Variants in FAM76B observed in about 807,000 individuals in gnomAD.
FAM76B encodes the protein protein FAM76B.
FAM76B carries 16 observed loss-of-function variants against 51.8 expected under a neutral mutation model. That is an observed-to-expected ratio of 0.31 (90% confidence interval 0.21 to 0.47). FAM76B has a LOEUF of 0.47. Ranked by LOEUF, FAM76B falls within the 20% of genes least tolerant of loss-of-function variation. FAM76B has a pLI of 1.00. For missense variants in FAM76B, 342 were observed against 392.6 expected (o/e 0.87, Z 1.09); for synonymous variants, 166 against 129.5 (o/e 1.28, Z -1.91).
chr11:95,784,571 TACACACACAC>T (rs919585950), intron 4 of FAM76B, among the ~76,000 whole-genome samples: 5 of 147,986 alleles, frequency 3.4e-5, no homozygotes, highest in Non-Finnish European at 7.4e-5. Flanking sequence ...TGTGTATATA[TACACACACAC>T]ACACACACAC....
intron 8 of FAM76B, 97 bp downstream of exon 8, chr11:95,778,725 A>C: frequency 7.1e-7 from 1 of 1,415,506 alleles, no homozygotes; most frequent in Non-Finnish European, 9.4e-7. Context: ...CACAACAAAC[A>C]TTACCAAATT....
chr11:95,775,140 A>G (rs966019120), intron 9 of FAM76B, among the ~76,000 whole-genome samples: 3 of 151,456 alleles, frequency 2.0e-5, no homozygotes, highest in African/African-American at 7.3e-5. Flanking sequence ...TTTTGTTACT[A>G]AAGACTAATT....
chr11:95,785,125 A>G (rs752159047), intron 4 of FAM76B, among the ~76,000 whole-genome samples: 64 of 152,350 alleles, frequency 4.2e-4, no homozygotes, highest in Non-Finnish European at 6.9e-4. Context: ...CCACATTCAT[A>G]TAACTGTAAC....
rs1011874491 is a variant in FAM76B, at chr11:95,770,310, T to C, written c.*1251A>G. 6.6e-6 allele frequency: 1 copy of C among 151,862 alleles called. No homozygotes were observed. The highest frequency in any genetic ancestry group is 2.4e-5 in the African/African-American group (1 of 41,384). The allele number at this position is 151,862 out of a possible 1,614,324, so 9.4% of individuals were successfully genotyped here. A position where few individuals can be genotyped will look rare whatever the true frequency, so the allele number is the denominator to read the frequency against. On this transcript the variant is annotated 3_prime_UTR_variant, in exon 10 of 10. Transcript: ENST00000358780. The stretch of plus-strand genomic sequence containing the variant: ...AGACTTTAGGACAATTTACTTATAA[T>C]GCCTGAATCTTATAGTAGATTCCAA...
chr11:95,780,270 A>G (rs1246470909), intron 5 of FAM76B, among the ~76,000 whole-genome samples: 1 of 151,936 alleles, frequency 6.6e-6, no homozygotes, highest in Non-Finnish European at 1.5e-5. Context: ...TATTTCAGAC[A>G]CAAAATTTGT....
intron 5 of FAM76B, among the ~76,000 whole-genome samples, chr11:95,782,772 T>G (rs907883046): frequency 6.6e-6 from 1 of 152,204 alleles, no homozygotes; most frequent in Non-Finnish European, 1.5e-5. Flanking sequence ...CTGAGGCTTT[T>G]GATAAGTTAT....
rs1859749069 is a variant in FAM76B, at chr11:95,771,160, A to C, written c.*401T>G. The C allele has an allele frequency of 6.6e-6, 1 of 151,848 alleles. No homozygotes were observed. Among genetic ancestry groups the C allele is most frequent in the Non-Finnish European group, 1.5e-5 (1 of 67,528 alleles). 9.4% of individuals were successfully genotyped at this position (151,848 alleles called of 1,614,324 possible). A position where few individuals can be genotyped will look rare whatever the true frequency, so the allele number is the denominator to read the frequency against. ...GAGTTTAAAAGTTTTTGTATTTCTA[A>C]ATTGAAAACTGTTTGTCTGAAATTA... On this transcript the variant is annotated 3_prime_UTR_variant, in exon 10 of 10. Transcript: ENST00000358780.
chr11:95,776,944 C>T (rs1005620593), intron 8 of FAM76B, among the ~76,000 whole-genome samples: 1 of 150,770 alleles, frequency 6.6e-6, no homozygotes, highest in African/African-American at 2.4e-5. Context: ...AAAAAAAACC[C>T]TTGCTTTTGT....
At chr11:95,779,498 C>A in intron 7 of FAM76B, 109 bp downstream of exon 7, 1 of 976,236 alleles carries the variant, frequency 1.0e-6, no homozygotes. Context: ...TGACTCAAGT[C>A]AATGTAGAAA....
rs1263669741 is a variant in FAM76B at position 95,788,899 on chromosome 11, G to A, written c.88-336C>T. ...GCATCCAGGCTTTAATGGGATGGGA[G>A]GAGCTCCAAATCAGAGCATTCTGTT... On this transcript the variant is annotated intron_variant, in intron 1 of 9. Transcript: ENST00000358780. 2.1e-5 allele frequency: 28 copies of A among 1,359,376 alleles called. 1 individual carries two copies. The highest frequency in any genetic ancestry group is 2.5e-5 in the Non-Finnish European group (26 of 1,035,672). The allele number at this position is 1,359,376 out of a possible 1,614,324, so 84.2% of individuals were successfully genotyped here.
At chr11:95,772,288 ACATCATCATTT>A (rs542146354) in intron 9 of FAM76B, among the ~76,000 whole-genome samples, 122 of 151,282 alleles carry the variant, frequency 8.1e-4, no homozygotes, top group Non-Finnish European at 1.7e-3. Flanking sequence ...GAGCAGTTCC[ACATCATCATTT>A]CCTATCTCAT....
intron 8 of FAM76B, 65 bp from the exon 9 acceptor site, chr11:95,776,088 TAA>T: frequency 1.2e-6 from 1 of 846,688 alleles, no homozygotes; most frequent in South Asian, 2.5e-5. Flanking sequence ...CCATTTTAAA[TAA>T]CTTTCACAAT....
intron 5 of FAM76B, among the ~76,000 whole-genome samples, chr11:95,781,881 T>C (rs1374303182): frequency 6.6e-6 from 1 of 152,078 alleles, no homozygotes; most frequent in African/African-American, 2.4e-5. Flanking sequence ...CATAATCTAA[T>C]AGGTGATTGG....
chr11:95,785,173 T>C (rs1565294887), intron 4 of FAM76B, among the ~76,000 whole-genome samples: 1 of 152,216 alleles, frequency 6.6e-6, no homozygotes, highest in Non-Finnish European at 1.5e-5. Context: ...TTTGTTATTA[T>C]TTTTATTAGT....
intron 9 of FAM76B, among the ~76,000 whole-genome samples, chr11:95,773,823 G>C (rs1473302283): frequency 6.6e-6 from 1 of 151,200 alleles, no homozygotes; most frequent in African/African-American, 2.4e-5. Flanking sequence ...TCAATATTTG[G>C]GGTATTTTGG....
At chr11:95,780,782 T>C (rs575948291) in intron 5 of FAM76B, among the ~76,000 whole-genome samples, 1 of 152,118 alleles carries the variant, frequency 6.6e-6, no homozygotes, top group Non-Finnish European at 1.5e-5. Flanking sequence ...AGTTCCCTCA[T>C]ATGTAATACA....
Position 95,787,208 on chromosome 11 carries a change from G to A in FAM76B, c.207+416C>T, listed in dbSNP as rs117561578. Among the ~76,000 whole-genome samples, 670 of 152,082 alleles carry A rather than the reference G, an allele frequency of 4.4e-3. 4 individuals carry two copies. Among genetic ancestry groups the A allele is most frequent in the Admixed American group, 7.5e-3 (114 of 15,288 alleles). On this transcript the variant is annotated intron_variant, in intron 3 of 9. Transcript: ENST00000358780. The stretch of plus-strand genomic sequence containing the variant: ...TAGAAAATGTCTTTCATAAAATATG[G>A]TATGTTGAAATATCTAAGAGCATAG...
chr11:95,774,053 G>C (rs1150358), intron 9 of FAM76B, among the ~76,000 whole-genome samples: 7,828 of 151,318 alleles, frequency 0.052, 648 homozygotes, highest in African/African-American at 0.18. Context: ...TAAAAAGATG[G>C]CACTCAGCTA....
At chr11:95,776,342 G>A (rs527746594) in intron 8 of FAM76B, among the ~76,000 whole-genome samples, 1 of 151,382 alleles carries the variant, frequency 6.6e-6, no homozygotes, top group South Asian at 2.1e-4. Context: ...GCTAATAACT[G>A]GGAAAATGCC....
Sources: gnomAD v4.1 joint callset for allele counts (sites outside exome capture counted in the v4.1 genomes callset) on GRCh38, gnomAD v4.1.1 for gene constraint, MANE v1.5 for transcripts, NCBI Gene and HGNC (gene_info 2026-07-23, HGNC 2026-07-21) for gene names.